Variants in SLC25A21 observed in about 807,000 individuals in gnomAD.
SLC25A21 encodes solute carrier family 25 member 21.
In SLC25A21, 47 loss-of-function variants were observed where a neutral mutation model predicts 43.8. The observed-to-expected ratio is 1.07, with a 90% CI of 0.85 to 1.37. The LOEUF is 1.37. SLC25A21 is among the 40% of genes most tolerant of loss of function. The pLI is 0.00. For synonymous variants in SLC25A21, 131 were observed against 121.3 expected (o/e 1.08, Z -0.52); for missense variants, 352 against 350.2 (o/e 1.00, Z -0.04).
At chr14:37,149,588 A>G (rs893935641) in intron 1 of SLC25A21, among the ~76,000 whole-genome samples, 5 of 152,088 alleles carry the variant, frequency 3.3e-5, no homozygotes, top group Non-Finnish European at 7.4e-5. Flanking sequence ...CCAGCTACTC[A>G]GGAAGCTGAG....
intron 1 of SLC25A21, among the ~76,000 whole-genome samples, chr14:37,000,349 C>G (rs958326880): frequency 2.0e-5 from 3 of 152,134 alleles, no homozygotes; most frequent in Admixed American, 2.0e-4. Flanking sequence ...TGGCTACTGT[C>G]TCTTTACAAA....
At chr14:37,148,897 T>C (rs1963712615) in intron 1 of SLC25A21, among the ~76,000 whole-genome samples, 1 of 152,226 alleles carries the variant, frequency 6.6e-6, no homozygotes, top group South Asian at 2.1e-4. Context: ...TATGTAAGCA[T>C]ACCAATGAAA....
At chr14:36,928,563 T>C (rs1473428215) in intron 1 of SLC25A21, among the ~76,000 whole-genome samples, 1 of 152,180 alleles carries the variant, frequency 6.6e-6, no homozygotes, top group African/African-American at 2.4e-5. Context: ...CCACAATGCA[T>C]GCACACTTAG....
intron 1 of SLC25A21, among the ~76,000 whole-genome samples, chr14:37,063,005 A>G (rs1264151959): frequency 6.6e-6 from 1 of 152,200 alleles, no homozygotes; most frequent in Non-Finnish European, 1.5e-5. Context: ...ACTTAAAATC[A>G]TGGTAGAAAG....
At chr14:37,053,997 TGA>T (rs1294047740) in intron 1 of SLC25A21, among the ~76,000 whole-genome samples, 4 of 152,208 alleles carry the variant, frequency 2.6e-5, no homozygotes, top group Non-Finnish European at 4.4e-5. Flanking sequence ...TTCCTCCCAT[TGA>T]GAGGTAAAAT....
intron 1 of SLC25A21, among the ~76,000 whole-genome samples, chr14:37,040,571 G>A (rs532996669): frequency 2.6e-5 from 4 of 151,672 alleles, no homozygotes; most frequent in Non-Finnish European, 5.9e-5. Flanking sequence ...AAATTATATC[G>A]TGAGACTTAT....
At chr14:36,827,248 T>C (rs1050282136) in intron 2 of SLC25A21, among the ~76,000 whole-genome samples, 1 of 152,228 alleles carries the variant, frequency 6.6e-6, no homozygotes, top group Non-Finnish European at 1.5e-5. Flanking sequence ...GAAAAACCTT[T>C]ACATTTTCAG....
chr14:36,770,700 T>C (rs1886589164), intron 3 of SLC25A21, among the ~76,000 whole-genome samples: 1 of 152,164 alleles, frequency 6.6e-6, no homozygotes, highest in South Asian at 2.1e-4. Context: ...ATTACAACTG[T>C]TTCTATGAGG....
In SLC25A21 at chr14:36,811,943, T is replaced by A. The variant is rs1480331096; in HGVS notation, c.203+1975A>T. 2.6e-5 allele frequency among the ~76,000 whole-genome samples: 4 copies of A among 152,120 alleles called. No individual in the cohort carries two copies. In the East Asian group the frequency reaches 7.7e-4, roughly 29 times the overall value. ...ATAGATAATACAAAATCAAAATCTT[T>A]AAAAATCACAAATTTCTGAAAGGTA... On this transcript the variant is annotated intron_variant, in intron 3 of 9. Transcript: ENST00000331299.
intron 3 of SLC25A21, among the ~76,000 whole-genome samples, chr14:36,773,754 A>G (rs1886713883): frequency 6.6e-6 from 1 of 152,216 alleles, no homozygotes; most frequent in South Asian, 2.1e-4. Context: ...TAGAGATGAG[A>G]AGACAGAGGC....
intron 1 of SLC25A21, among the ~76,000 whole-genome samples, chr14:37,074,027 T>C (rs1962228174): frequency 1.3e-5 from 2 of 152,082 alleles, no homozygotes; most frequent in South Asian, 4.1e-4. Context: ...TATCTAGAAC[T>C]AGTCTTCCTA....
chr14:36,831,287 A>G (rs983036013), intron 2 of SLC25A21, among the ~76,000 whole-genome samples: 1 of 152,204 alleles, frequency 6.6e-6, no homozygotes, highest in Admixed American at 6.5e-5. Flanking sequence ...TCCACTAAAC[A>G]TAACTTCATT....
intron 3 of SLC25A21, among the ~76,000 whole-genome samples, chr14:36,753,086 A>G (rs574512399): frequency 6.6e-6 from 1 of 152,248 alleles, no homozygotes; most frequent in East Asian, 1.9e-4. Context: ...GCCAGGGGAG[A>G]GAGGTTTAAT....
At chr14:37,061,194 A>G (rs1961941111) in intron 1 of SLC25A21, among the ~76,000 whole-genome samples, 1 of 152,148 alleles carries the variant, frequency 6.6e-6, no homozygotes, top group Non-Finnish European at 1.5e-5. Context: ...AAGCCCTCCT[A>G]TATTTCAGAG....
intron 1 of SLC25A21, among the ~76,000 whole-genome samples, chr14:37,041,563 T>C (rs1027409107): frequency 1.3e-5 from 2 of 152,220 alleles, no homozygotes; most frequent in African/African-American, 2.4e-5. Context: ...CACATAGATG[T>C]GATCTATTTC....
intron 1 of SLC25A21, among the ~76,000 whole-genome samples, chr14:36,887,423 C>A (rs1423184529): frequency 6.6e-6 from 1 of 151,788 alleles, no homozygotes; most frequent in Non-Finnish European, 1.5e-5. Flanking sequence ...GTTAGCTGGG[C>A]GTGGTGGTGC....
At chr14:36,941,337 C>A (rs996292318) in intron 1 of SLC25A21, among the ~76,000 whole-genome samples, 1 of 152,026 alleles carries the variant, frequency 6.6e-6, no homozygotes, top group African/African-American at 2.4e-5. Flanking sequence ...TTATGCTGCA[C>A]AAAATTGTAT....
At chr14:36,951,301 G>T (rs1353535318) in intron 1 of SLC25A21, among the ~76,000 whole-genome samples, 1 of 149,944 alleles carries the variant, frequency 6.7e-6, no homozygotes, top group East Asian at 1.9e-4. Flanking sequence ...TTAGAAAGAG[G>T]ATTCAAGCAA....
intron 1 of SLC25A21, among the ~76,000 whole-genome samples, chr14:37,108,600 C>A (rs1962958620): frequency 6.6e-6 from 1 of 152,064 alleles, no homozygotes; most frequent in Non-Finnish European, 1.5e-5. Context: ...TATAGATTCA[C>A]TTTACAAAGG....
Sources: gnomAD v4.1 joint callset for allele counts (sites outside exome capture counted in the v4.1 genomes callset) on GRCh38, gnomAD v4.1.1 for gene constraint, MANE v1.5 for transcripts, NCBI Gene and HGNC (gene_info 2026-07-23, HGNC 2026-07-21) for gene names.